PAX3: variants seen among roughly 807,000 people sequenced by gnomAD.
PAX3 encodes the protein paired box protein Pax-3.
Under a neutral mutation model 51.6 loss-of-function variants are expected in PAX3, and 14 were observed. The ratio of observed to expected loss-of-function variants is 0.27; its 90% CI spans 0.18 to 0.42. The LOEUF (loss-of-function observed/expected upper bound fraction) is 0.42. Ranked by LOEUF, PAX3 falls within the 10% of genes least tolerant of loss-of-function variation. The pLI is 1.00. For synonymous variants in PAX3, 280 were observed against 253.4 expected (o/e 1.11, Z -1.00); for missense variants, 540 against 642.8 (o/e 0.84, Z 1.73).
intron 4 of PAX3, among the ~76,000 whole-genome samples, chr2:222,289,008 C>G (rs1278271757): frequency 6.6e-6 from 1 of 152,252 alleles, no homozygotes; most frequent in Non-Finnish European, 1.5e-5. Context: ...TTGGCCAGAG[C>G]TGCTGAAAAC....
chr2:222,293,719 TC>T (rs1189111418), intron 4 of PAX3: 5 of 1,614,108 alleles, frequency 3.1e-6, no homozygotes, highest in Non-Finnish European at 4.2e-6. Flanking sequence ...TCTCTCTCTC[TC>T]CTTTAATGCG....
intron 4 of PAX3, among the ~76,000 whole-genome samples, chr2:222,254,054 A>C (rs1693541994): frequency 6.6e-6 from 1 of 152,232 alleles, no homozygotes; most frequent in Non-Finnish European, 1.5e-5. Context: ...AAAGCAGCGC[A>C]CATAAAAAGC....
intron 4 of PAX3, among the ~76,000 whole-genome samples, chr2:222,280,031 TA>T (rs1046888304): frequency 3.9e-5 from 6 of 151,948 alleles, no homozygotes; most frequent in Admixed American, 3.9e-4. Context: ...GCCAACATGG[TA>T]AAACCCCATC....
chr2:222,249,877 G>A (rs1693361756), intron 4 of PAX3, among the ~76,000 whole-genome samples: 1 of 152,032 alleles, frequency 6.6e-6, no homozygotes, highest in African/African-American at 2.4e-5. Context: ...CCAAATAGCA[G>A]GAACAATCAA....
intron 5 of PAX3, among the ~76,000 whole-genome samples, chr2:222,228,558 C>T (rs187550038): frequency 6.6e-6 from 1 of 152,242 alleles, no homozygotes; most frequent in Non-Finnish European, 1.5e-5. Flanking sequence ...CTCAGTTTTC[C>T]ATCACACTCC....
At chr2:222,260,308 C>CAGTG (rs1693796041) in intron 4 of PAX3, among the ~76,000 whole-genome samples, 1 of 152,046 alleles carries the variant, frequency 6.6e-6, no homozygotes, top group South Asian at 2.1e-4. Context: ...GTCGAGGCTA[C>CAGTG]AGTGAGCCAT....
intron 7 of PAX3, among the ~76,000 whole-genome samples, chr2:222,219,640 G>C (rs1692105220): frequency 6.6e-6 from 1 of 152,156 alleles, no homozygotes; most frequent in Non-Finnish European, 1.5e-5. Flanking sequence ...GTAGTCATCA[G>C]CTGGGTCTCT....
intron 7 of PAX3, chr2:222,214,319 C>T (rs1267985075): frequency 1.3e-5 from 2 of 152,170 alleles, no homozygotes; most frequent in Non-Finnish European, 2.9e-5. Context: ...TAGTCTAATA[C>T]ATATATGCAT....
chr2:222,251,920 C>T (rs1433679412), intron 4 of PAX3, among the ~76,000 whole-genome samples: 2 of 152,132 alleles, frequency 1.3e-5, no homozygotes, highest in African/African-American at 4.8e-5. Context: ...ACCAACAGAA[C>T]TCTAAGAAAA....
In PAX3 at chr2:222,294,160, C is replaced by A. The variant is rs1226628219; in HGVS notation, c.586+7G>T. 4 of 1,614,112 alleles carry A rather than the reference C, an allele frequency of 2.5e-6. No individual in the cohort carries two copies. In the Admixed American group the frequency reaches 5.0e-5, roughly 20 times the overall value. On this transcript the variant is annotated splice_region_variant and intron_variant, in intron 4 of 8. Coordinates refer to ENST00000392070, the MANE Select transcript of PAX3 (RefSeq NM_181458.4). ...GCAAGTGCGCCGCCCAAGGCGCCAC[C>A]GCTTACCTCGCTCGCTCAGGATGCC... is the stretch of plus-strand genomic sequence containing the variant.
At chr2:222,210,918 G>A (rs1264452616) in intron 7 of PAX3, among the ~76,000 whole-genome samples, 1 of 152,108 alleles carries the variant, frequency 6.6e-6, no homozygotes, top group Non-Finnish European at 1.5e-5. Context: ...CCTAGGCTGA[G>A]TGCAATGGTG....
At chr2:222,283,972 C>T (rs1468913863) in intron 4 of PAX3, among the ~76,000 whole-genome samples, 1 of 152,242 alleles carries the variant, frequency 6.6e-6, no homozygotes, top group Admixed American at 6.5e-5. Flanking sequence ...TTCACTCTCA[C>T]ACTGCACCCC....
chr2:222,263,435 A>G (rs1256058641), intron 4 of PAX3: 1 of 152,176 alleles, frequency 6.6e-6, no homozygotes, highest in Non-Finnish European at 1.5e-5. Context: ...TGTCACTAAG[A>G]ATATATTAGA....
intron 4 of PAX3, chr2:222,263,547 C>T (rs993390102): frequency 6.6e-6 from 1 of 152,170 alleles, no homozygotes; most frequent in East Asian, 1.9e-4. Flanking sequence ...GATAGAGTCA[C>T]TCTGTAAAAC....
intron 1 of PAX3, chr2:222,298,306 G>A: frequency 1.7e-6 from 1 of 585,360 alleles, no homozygotes; most frequent in South Asian, 2.0e-5. Context: ...GCTCGCCGCA[G>A]GCCTGACCGC....
intron 4 of PAX3, chr2:222,264,983 C>T (rs965205265): frequency 6.6e-6 from 1 of 152,230 alleles, no homozygotes; most frequent in Non-Finnish European, 1.5e-5. Flanking sequence ...ATCTTCTCTT[C>T]AAGGAAGCAT....
intron 4 of PAX3, among the ~76,000 whole-genome samples, chr2:222,285,503 A>G (rs1362223690): frequency 6.6e-6 from 1 of 152,246 alleles, no homozygotes; most frequent in African/African-American, 2.4e-5. Flanking sequence ...TTCTGTATAT[A>G]TGCACATTTA....
At position 222,211,498 on chromosome 2, in the gene PAX3, CTCT is replaced by C. The variant is rs1026471243; in HGVS notation, c.1173+8639_1173+8641del. On this transcript the variant is annotated intron_variant, in intron 7 of 8. Transcript: ENST00000392070. Reference sequence around the variant, plus strand: ...TAAATATTATTAGGTAGTTTATAGCCTCTTCTTTAAAATTAGTCTCCCCCTACT... The same window carrying C: ...TAAATATTATTAGGTAGTTTATAGCCTCTTTAAAATTAGTCTCCCCCTACT... Among the ~76,000 whole-genome samples the C allele has an allele frequency of 6.6e-5, 10 of 152,164 alleles. No individual in the cohort carries two copies. The East Asian group carries it at 1.9e-3, about 29-fold the overall frequency.
chr2:222,265,089 T>C (rs1693996120), intron 4 of PAX3: 1 of 152,212 alleles, frequency 6.6e-6, no homozygotes, highest in Non-Finnish European at 1.5e-5. Flanking sequence ...TGTTGTGATC[T>C]GCTCATGTGA....
Sources: gnomAD v4.1 joint callset for allele counts (sites outside exome capture counted in the v4.1 genomes callset) on GRCh38, gnomAD v4.1.1 for gene constraint, MANE v1.5 for transcripts, NCBI Gene and HGNC (gene_info 2026-07-23, HGNC 2026-07-21) for gene names.